The following PCDHA11 variants were observed in gnomAD, a reference collection of about 807,000 sequenced individuals.
PCDHA11 encodes protocadherin alpha 11, also known as protocadherin alpha-11.
PCDHA11 carries 61 observed loss-of-function variants against 70.3 expected under a neutral mutation model. The ratio of observed to expected loss-of-function variants is 0.87; its 90% CI spans 0.71 to 1.07. The LOEUF (loss-of-function observed/expected upper bound fraction) is 1.07, where lower values mean the gene tolerates loss of function less well. Among genes scored for constraint, PCDHA11 ranks in the 50% least tolerant of loss-of-function variants. The pLI is 0.00. For missense variants in PCDHA11, 1,324 were observed against 1,237.5 expected (o/e 1.07, Z -1.05); for synonymous variants, 633 against 555.1 (o/e 1.14, Z -1.97).
chr5:140,882,658 G>A (rs2059245402), intron 1 of PCDHA11: 3 of 1,614,148 alleles, frequency 1.9e-6, no homozygotes, highest in Middle Eastern at 1.7e-4. Context: ...ACGACAACCC[G>A]CCCATATTCC....
chr5:140,882,735 G>C, intron 1 of PCDHA11: 1 of 1,614,216 alleles, frequency 6.2e-7, no homozygotes, highest in Non-Finnish European at 8.5e-7. Flanking sequence ...CCACTAGATG[G>C]CGCATCCGAT....
chr5:140,883,724 G>T (rs1174982763), intron 1 of PCDHA11: 2 of 1,613,492 alleles, frequency 1.2e-6, no homozygotes, highest in Non-Finnish European at 1.7e-6. Context: ...GGACGCACAG[G>T]AGAACGCGCT....
At chr5:140,888,309 C>T (rs1175163005) in intron 1 of PCDHA11, among the ~76,000 whole-genome samples, 1 of 152,138 alleles carries the variant, frequency 6.6e-6, no homozygotes, top group Admixed American at 6.5e-5. Context: ...GATAATTTGG[C>T]AATGCCTGGA....
intron 1 of PCDHA11, among the ~76,000 whole-genome samples, chr5:140,873,335 T>C (rs192894155): frequency 6.6e-6 from 1 of 152,358 alleles, no homozygotes; most frequent in African/African-American, 2.4e-5. Flanking sequence ...CATACATTAC[T>C]CATCTCCAGA....
chr5:140,936,868 A>T (rs543976186), intron 1 of PCDHA11, among the ~76,000 whole-genome samples: 3 of 152,270 alleles, frequency 2.0e-5, no homozygotes, highest in South Asian at 2.1e-4. Flanking sequence ...TTTCTATTTT[A>T]AAAAACCCTG....
At chr5:141,005,953 A>G (rs1036085493) in intron 3 of PCDHA11, among the ~76,000 whole-genome samples, 1 of 152,052 alleles carries the variant, frequency 6.6e-6, no homozygotes, top group Non-Finnish European at 1.5e-5. Context: ...TCTCTAACAA[A>G]CAACAATAAA....
rs782664085 is a variant in PCDHA11, at chr5:140,870,021, TTTAGA to T, written c.922_926del (p.Asp308Ter). ...ATGGAGAAGTGAGGGTCAATGGAAC[TTTAGA>T]TTATGAAGAAAACAAGTTTTATAAA... On this transcript the variant is annotated frameshift_variant, in exon 1 of 4. Coordinates refer to ENST00000398640, the MANE Select transcript of PCDHA11 (RefSeq NM_018902.5). LOFTEE classifies it high-confidence loss of function. 2.4e-5 allele frequency: 39 copies of T among 1,613,464 alleles called. No individual in the cohort carries two copies. Among genetic ancestry groups the T allele is most frequent in the Non-Finnish European group, 3.1e-5 (37 of 1,179,864 alleles).
chr5:140,922,176 CA>C (rs3836750), intron 1 of PCDHA11, among the ~76,000 whole-genome samples: 49,174 of 150,706 alleles, frequency 0.33, 8,259 homozygotes, highest in East Asian at 0.53. Context: ...GTACAGCAGA[CA>C]AAAAAAAAGT....
rs370989006 is a variant in PCDHA11, at chr5:141,009,739, C to G, written c.2652C>G (p.Pro884=). The G allele has an allele frequency of 1.2e-6, 2 of 1,614,010 alleles. No homozygotes were observed. Among genetic ancestry groups the G allele is most frequent in the Non-Finnish European group, 8.5e-7 (1 of 1,180,008 alleles). The change falls in exon 4 of 4, where the codon CCC becomes CCG. Residue 884 remains proline (P), a synonymous_variant. Transcript: ENST00000398640. ...AACAATCCGGTCCCGGTGAGTTGCCCGACAAATTCATTATCCCAGGATCTC... is the reference window on the plus strand; with the variant it reads ...AACAATCCGGTCCCGGTGAGTTGCCGGACAAATTCATTATCCCAGGATCTC... The part of the protein sequence containing the change: ...NPKQSGPGEL[P]DKFIIPGSPA...
chr5:140,947,549 C>T (rs530708816), intron 1 of PCDHA11, among the ~76,000 whole-genome samples: 11 of 151,312 alleles, frequency 7.3e-5, no homozygotes, highest in Admixed American at 2.0e-4. Context: ...CAAAGAATTC[C>T]GCTGGGATTT....
chr5:140,913,082 CA>C (rs1341633290), intron 1 of PCDHA11, among the ~76,000 whole-genome samples: 2 of 152,108 alleles, frequency 1.3e-5, no homozygotes, highest in Non-Finnish European at 2.9e-5. Flanking sequence ...TGTTTGGTAT[CA>C]GGATAATACT....
intron 1 of PCDHA11, among the ~76,000 whole-genome samples, chr5:140,974,134 C>T (rs1212348196): frequency 1.3e-5 from 2 of 152,290 alleles, no homozygotes; most frequent in East Asian, 1.9e-4. Flanking sequence ...AATCTGCTAA[C>T]CTGAAAACTA....
chr5:140,924,527 G>T (rs2081885403), intron 1 of PCDHA11, among the ~76,000 whole-genome samples: 1 of 152,074 alleles, frequency 6.6e-6, no homozygotes. Context: ...AAAAGAGAAT[G>T]CCCGAGCTAC....
At position 140,878,967 on chromosome 5, in the gene PCDHA11, C is replaced by T. The variant is rs562198206; in HGVS notation, c.2391+7473C>T. On this transcript the variant is annotated intron_variant, in intron 1 of 3. Coordinates refer to ENST00000398640, the MANE Select transcript of PCDHA11 (RefSeq NM_018902.5). ...ATGGTATTGAAATGTATTACCTGGA[C>T]ATTCCCCTCTATCTTAGAAATGAGA... Among the ~76,000 whole-genome samples, 52 of 152,298 alleles carry T rather than the reference C, an allele frequency of 3.4e-4. No individual in the cohort carries two copies. The South Asian group carries it at 0.01, about 30-fold the overall frequency.
At chr5:140,992,805 A>G (rs2097529327) in intron 3 of PCDHA11, among the ~76,000 whole-genome samples, 1 of 152,078 alleles carries the variant, frequency 6.6e-6, no homozygotes, top group Non-Finnish European at 1.5e-5. Flanking sequence ...ATCCATATGT[A>G]TCTAAGGATG....
At chr5:140,883,757 C>A (rs369534214) in intron 1 of PCDHA11, 175 of 1,612,790 alleles carry the variant, frequency 1.1e-4, no homozygotes, top group Non-Finnish European at 1.5e-4. Flanking sequence ...GCTGGTGGAG[C>A]GGCGGGTGGG....
intron 1 of PCDHA11, among the ~76,000 whole-genome samples, chr5:140,920,124 G>A (rs1261931835): frequency 2.6e-5 from 4 of 152,152 alleles, no homozygotes; most frequent in African/African-American, 4.8e-5. Flanking sequence ...AACATCTTGA[G>A]TTTTAATTCT....
intron 1 of PCDHA11, among the ~76,000 whole-genome samples, chr5:140,887,243 C>T (rs950171388): frequency 6.0e-4 from 91 of 152,060 alleles, no homozygotes; most frequent in Non-Finnish European, 1.2e-3. Context: ...ACTACCGGCG[C>T]CCGCCACCAC....
chr5:140,884,764 T>C (rs2060348326), intron 1 of PCDHA11: 1 of 1,417,012 alleles, frequency 7.1e-7, no homozygotes, highest in Non-Finnish European at 9.3e-7. Flanking sequence ...TATTCTTTAC[T>C]TTAATTTTAA....
Sources: gnomAD v4.1 joint callset for allele counts (sites outside exome capture counted in the v4.1 genomes callset) on GRCh38, gnomAD v4.1.1 for gene constraint, MANE v1.5 for transcripts, NCBI Gene and HGNC (gene_info 2026-07-23, HGNC 2026-07-21) for gene names.